The following SDK1 variants were observed in gnomAD, a reference collection of about 807,000 sequenced individuals.
SDK1 encodes the protein sidekick cell adhesion molecule 1, also known as protein sidekick-1.
In SDK1, 157 loss-of-function variants were observed where a neutral mutation model predicts 245.5. The observed-to-expected ratio is 0.64, with a 90% CI of 0.56 to 0.73. The LOEUF (loss-of-function observed/expected upper bound fraction) is 0.73, where lower values mean the gene tolerates loss of function less well. SDK1 is among the 30% of genes least tolerant of loss of function. The probability of loss-of-function intolerance (pLI) is 0.00; values close to 1 mark genes in which losing one functional copy is unlikely to be tolerated. For synonymous variants in SDK1, 1,647 were observed against 1,278.5 expected, an observed-to-expected ratio of 1.29 and a Z score of -6.15; for missense variants, 3,583 against 3,002.3, an observed-to-expected ratio of 1.19 and a Z score of -4.52.
intron 1 of SDK1, among the ~76,000 whole-genome samples, chr7:3,483,871 G>C (rs1781594542): frequency 6.6e-6 from 1 of 151,884 alleles, no homozygotes; most frequent in Admixed American, 6.6e-5. Context: ...ATATACGTTG[G>C]ATAAGCTCTA....
At chr7:3,846,450 C>A (rs1022898565) in intron 5 of SDK1, among the ~76,000 whole-genome samples, 3 of 152,132 alleles carry the variant, frequency 2.0e-5, no homozygotes, top group African/African-American at 7.2e-5. Context: ...AAGAATATGG[C>A]ACATTCATCT....
At chr7:3,843,734 C>T (rs1055718971) in intron 5 of SDK1, among the ~76,000 whole-genome samples, 6 of 152,202 alleles carry the variant, frequency 3.9e-5, no homozygotes, top group South Asian at 4.1e-4. Context: ...GCCATCGGGA[C>T]GCTGAGGCTT....
intron 4 of SDK1, among the ~76,000 whole-genome samples, chr7:3,652,379 A>G (rs1783037257): frequency 6.6e-6 from 1 of 152,234 alleles, no homozygotes; most frequent in Non-Finnish European, 1.5e-5. Flanking sequence ...TGCACAGACA[A>G]GCCTGGGAAG....
intron 1 of SDK1, among the ~76,000 whole-genome samples, chr7:3,505,272 G>A (rs1158776599): frequency 6.6e-6 from 1 of 151,976 alleles, no homozygotes; most frequent in Non-Finnish European, 1.5e-5. Context: ...ACTGAGACTG[G>A]GTTTCACTCT....
rs78059548 is a variant in SDK1, at chr7:4,113,425, C to T, written c.3571C>T (p.Arg1191Trp). 5.7e-5 allele frequency: 92 copies of T among 1,613,678 alleles called. No individual in the cohort carries two copies. In the East Asian group the frequency reaches 1.4e-3, roughly 24 times the overall value. Residue 1191 changes from arginine to tryptophan, a missense_variant, in exon 24 of 45, where the codon CGG becomes TGG. Transcript: ENST00000404826. ...TVRTASETSL[R>W]LRWVPLPDSQ... Reference sequence around the variant, plus strand: ...CCGTACTGCCAGTGAGACCAGCCTGCGGCTTCGCTGGGTGGTGAGTGGGGG... The same window carrying T: ...CCGTACTGCCAGTGAGACCAGCCTGTGGCTTCGCTGGGTGGTGAGTGGGGG...
At chr7:4,218,091 T>G (rs1426324022) in intron 38 of SDK1, among the ~76,000 whole-genome samples, 1 of 152,122 alleles carries the variant, frequency 6.6e-6, no homozygotes, top group Non-Finnish European at 1.5e-5. Flanking sequence ...AACCCAGTTT[T>G]GGAGGGTCAC....
intron 1 of SDK1, among the ~76,000 whole-genome samples, chr7:3,461,255 T>G (rs1780823163): frequency 6.6e-6 from 1 of 152,180 alleles, no homozygotes; most frequent in African/African-American, 2.4e-5. Flanking sequence ...TCCTGTCCAT[T>G]TTTGGAACCT....
rs976976255 is a variant in SDK1 at position 3,653,307 on chromosome 7, CT to C, written c.713+11203del. Reference sequence around the variant, plus strand: ...CCTCACTCCAGGGTCCACGTGTAAGCTGTTGTAGGCGTTCTGTTTTCTTGAA... The same window carrying C: ...CCTCACTCCAGGGTCCACGTGTAAGCGTTGTAGGCGTTCTGTTTTCTTGAA... On this transcript the variant is annotated intron_variant, in intron 4 of 44. Coordinates refer to ENST00000404826, the MANE Select transcript of SDK1 (RefSeq NM_152744.4). Among the ~76,000 whole-genome samples the C allele has an allele frequency of 9.9e-5, 15 of 152,144 alleles. 1 individual carries two copies. The highest frequency in any genetic ancestry group is 9.2e-4 in the Admixed American group (14 of 15,272).
intron 5 of SDK1, among the ~76,000 whole-genome samples, chr7:3,855,872 C>CT (rs1780533125): frequency 6.6e-6 from 1 of 152,114 alleles, no homozygotes; most frequent in African/African-American, 2.4e-5. Context: ...GAAGTGAAGA[C>CT]TATAAGACTT....
At position 4,126,916 on chromosome 7, in the gene SDK1, C is replaced by T. The variant is rs117979207; in HGVS notation, c.3824-465C>T. Among the ~76,000 whole-genome samples, 15 of 152,300 alleles carry T rather than the reference C, an allele frequency of 9.8e-5. No individual in the cohort carries two copies. In the East Asian group the frequency reaches 2.9e-3, roughly 29 times the overall value. On this transcript the variant is annotated intron_variant, in intron 25 of 44. Coordinates refer to ENST00000404826, the MANE Select transcript of SDK1 (RefSeq NM_152744.4). ...TGTAACTGAAGGCAGTTGGCACAGA[C>T]AGGCACTGGATAAGCACCTAGTCAA...
rs116224802 is a variant in SDK1, at chr7:4,019,429, C to T, written c.2602+2077C>T. Among the ~76,000 whole-genome samples, 1,196 of 152,212 alleles carry T rather than the reference C, an allele frequency of 7.9e-3. 17 individuals are homozygous for T. Among genetic ancestry groups the T allele is most frequent in the African/African-American group, 0.027 (1,132 of 41,530 alleles). On this transcript the variant is annotated intron_variant, in intron 17 of 44. Coordinates refer to ENST00000404826, the MANE Select transcript of SDK1 (RefSeq NM_152744.4). Reference sequence around the variant, plus strand: ...CGAGGGACTGTGCTTAGCTAGTGGGCTGGGGTGCAGGGTTCCCCTAAGATA... The same window carrying T: ...CGAGGGACTGTGCTTAGCTAGTGGGTTGGGGTGCAGGGTTCCCCTAAGATA...
In SDK1 at chr7:3,964,335, C is replaced by A. The variant is rs1005422168; in HGVS notation, c.1429+1484C>A. ...CCTCCTCTTCTCAGGGTAGCGTTGC[C>A]TCTTCCCGCACTAAGCCCTCCTCTT... On this transcript the variant is annotated intron_variant, in intron 9 of 44. Coordinates refer to ENST00000404826, the MANE Select transcript of SDK1 (RefSeq NM_152744.4). Among the ~76,000 whole-genome samples, 3 of 152,330 alleles carry A rather than the reference C, an allele frequency of 2.0e-5. No homozygotes were observed. In the East Asian group the frequency reaches 5.8e-4, roughly 29 times the overall value.
chr7:3,715,698 G>A (rs1257660984), intron 4 of SDK1, among the ~76,000 whole-genome samples: 1 of 152,084 alleles, frequency 6.6e-6, no homozygotes, highest in African/African-American at 2.4e-5. Context: ...GATTTAAATA[G>A]GACAAGGAGT....
chr7:4,019,689 G>A (rs1299434827), intron 17 of SDK1, among the ~76,000 whole-genome samples: 1 of 151,964 alleles, frequency 6.6e-6, no homozygotes, highest in Non-Finnish European at 1.5e-5. Flanking sequence ...CTCGGCTTCT[G>A]TAGCAGCACC....
At chr7:4,015,491 G>A (rs1327282051) in intron 16 of SDK1, among the ~76,000 whole-genome samples, 1 of 152,170 alleles carries the variant, frequency 6.6e-6, no homozygotes, top group East Asian at 1.9e-4. Context: ...TTTGTAGATG[G>A]TGAATGTAAG....
chr7:4,026,103 G>A lies in SDK1; in HGVS notation c.2602+8751G>A, dbSNP rs1432429914. 4.6e-5 allele frequency among the ~76,000 whole-genome samples: 7 copies of A among 152,366 alleles called. No individual in the cohort carries two copies. The highest frequency in any genetic ancestry group is 8.8e-5 in the Non-Finnish European group (6 of 68,038). On this transcript the variant is annotated intron_variant, in intron 17 of 44. Coordinates refer to ENST00000404826, the MANE Select transcript of SDK1 (RefSeq NM_152744.4). The surrounding 1 kb of genome is among the most constrained non-coding windows in gnomAD (Gnocchi z 4.1). ...CACCCTGGACACGCCAGGCCGCAGCGCTGGTCTTCCACAGTCCCCATGCTG... is the reference window on the plus strand; with the variant it reads ...CACCCTGGACACGCCAGGCCGCAGCACTGGTCTTCCACAGTCCCCATGCTG...
At chr7:3,497,273 A>C (rs1290482328) in intron 1 of SDK1, among the ~76,000 whole-genome samples, 2 of 152,322 alleles carry the variant, frequency 1.3e-5, no homozygotes, top group South Asian at 4.1e-4. Flanking sequence ...CCCAGGGCTA[A>C]AACTGTGAAA....
intron 1 of SDK1, among the ~76,000 whole-genome samples, chr7:3,605,735 A>T (rs1250533559): frequency 6.6e-6 from 1 of 152,150 alleles, no homozygotes; most frequent in Non-Finnish European, 1.5e-5. Context: ...TTCAGAGTAA[A>T]ATTATTTCAG....
chr7:3,435,775 C>A (rs934967418), intron 1 of SDK1, among the ~76,000 whole-genome samples: 1 of 152,112 alleles, frequency 6.6e-6, no homozygotes, highest in Non-Finnish European at 1.5e-5. Context: ...GTGGCTTGTT[C>A]TCTGCTCTGC....
Sources: allele counts gnomAD v4.1 joint callset (sites outside exome capture counted in the v4.1 genomes callset), GRCh38; gene constraint gnomAD v4.1.1; non-coding constraint Gnocchi (gnomAD v3.1); transcripts MANE v1.5; gene names NCBI Gene and HGNC (gene_info 2026-07-23, HGNC 2026-07-21).